The following LGSN variants were observed in gnomAD, a reference collection of about 807,000 sequenced individuals.
The protein encoded by LGSN is lengsin, lens protein with glutamine synthetase domain, also known as lengsin.
LGSN carries 21 observed loss-of-function variants against 19.5 expected under a neutral mutation model. The ratio of observed to expected loss-of-function variants is 1.07; its 90% CI spans 0.76 to 1.55. LGSN has a LOEUF of 1.55. Among genes scored for constraint, LGSN ranks in the 40% most tolerant of loss-of-function variants. The probability of loss-of-function intolerance (pLI) is 0.00; values close to 1 mark genes in which losing one functional copy is unlikely to be tolerated. For missense variants in LGSN, 673 were observed against 608.5 expected, an observed-to-expected ratio of 1.11 and a Z score of -1.12; for synonymous variants, 257 against 215.6, an observed-to-expected ratio of 1.19 and a Z score of -1.68.
chr6:63,449,177 A>T, the LGSN span, among the ~76,000 whole-genome samples: 6 of 152,202 alleles, frequency 3.9e-5, no homozygotes, highest in African/African-American at 1.4e-4. Flanking sequence ...ATAAAATGAC[A>T]GTTATGAAAT....
At chr6:63,299,207 T>C (rs1206668094) in intron 1 of LGSN, among the ~76,000 whole-genome samples, 3 of 152,196 alleles carry the variant, frequency 2.0e-5, no homozygotes, top group Non-Finnish European at 2.9e-5. Flanking sequence ...CTTTCTGGCA[T>C]TTAGCTGGCT....
the LGSN span, among the ~76,000 whole-genome samples, chr6:63,560,614 G>C: frequency 6.6e-6 from 1 of 151,952 alleles, no homozygotes; most frequent in Non-Finnish European, 1.5e-5. Flanking sequence ...ATGTTGGCCA[G>C]GCTGGTCTCG....
chr6:63,438,804 C>T, the LGSN span, among the ~76,000 whole-genome samples: 3 of 152,184 alleles, frequency 2.0e-5, no homozygotes, highest in Admixed American at 1.3e-4. Flanking sequence ...AGCAATTCCT[C>T]AGGGATCTAG....
the LGSN span, among the ~76,000 whole-genome samples, chr6:63,530,335 AG>A: frequency 2.0e-5 from 3 of 152,318 alleles, no homozygotes; most frequent in Non-Finnish European, 4.4e-5. Flanking sequence ...CCTGAGAAAA[AG>A]CACAAAGGCT....
At chr6:63,486,808 T>C in the LGSN span, among the ~76,000 whole-genome samples, 177 of 147,618 alleles carry the variant, frequency 1.2e-3, 3 homozygotes, top group African/African-American at 4.0e-3. Flanking sequence ...ACCTCAGTTT[T>C]TGTATGTTTA....
At chr6:63,532,881 T>A in the LGSN span, among the ~76,000 whole-genome samples, 2 of 152,232 alleles carry the variant, frequency 1.3e-5, no homozygotes, top group Non-Finnish European at 2.9e-5. Context: ...GATCAAATTA[T>A]ATCTGCTTTT....
the LGSN span, among the ~76,000 whole-genome samples, chr6:63,456,702 G>A: frequency 2.0e-5 from 3 of 152,230 alleles, no homozygotes; most frequent in African/African-American, 4.8e-5. Context: ...GTCACCAGAC[G>A]TAGCCTCTGT....
the LGSN span, among the ~76,000 whole-genome samples, chr6:63,535,795 A>C: frequency 6.6e-6 from 1 of 152,150 alleles, no homozygotes; most frequent in Non-Finnish European, 1.5e-5. Flanking sequence ...AGCTATATTT[A>C]GGCTGGCCAC....
At chr6:63,318,440 C>T (rs532025394) in intron 1 of LGSN, among the ~76,000 whole-genome samples, 1 of 152,266 alleles carries the variant, frequency 6.6e-6, no homozygotes, top group South Asian at 2.1e-4. Context: ...CATATTCTTT[C>T]ACTTCCTGAG....
the LGSN span, among the ~76,000 whole-genome samples, chr6:63,444,619 C>A: frequency 6.6e-6 from 1 of 152,174 alleles, no homozygotes; most frequent in Admixed American, 6.5e-5. Flanking sequence ...GAAGGCCATT[C>A]AGATTTTTAA....
At chr6:63,313,837 A>C (rs1582050304) in intron 1 of LGSN, among the ~76,000 whole-genome samples, 1 of 147,542 alleles carries the variant, frequency 6.8e-6, no homozygotes, top group Admixed American at 6.8e-5. Flanking sequence ...CCCTGTCTCA[A>C]AAATAAATAA....
At chr6:63,301,376 T>C (rs2127390986) in intron 1 of LGSN, among the ~76,000 whole-genome samples, 1 of 152,190 alleles carries the variant, frequency 6.6e-6, no homozygotes, top group East Asian at 1.9e-4. Flanking sequence ...AAAATTAAAA[T>C]GTGTATTTGT....
the LGSN span, among the ~76,000 whole-genome samples, chr6:63,533,388 GA>G: frequency 6.6e-6 from 1 of 151,848 alleles, no homozygotes; most frequent in Non-Finnish European, 1.5e-5. Context: ...TCTCAAAAAA[GA>G]AAACAATAAG....
chr6:63,304,708 C>T (rs1031923429), intron 1 of LGSN, among the ~76,000 whole-genome samples: 2 of 152,158 alleles, frequency 1.3e-5, no homozygotes, highest in Non-Finnish European at 2.9e-5. Context: ...CTATAGTAGT[C>T]ATTATCATTA....
At chr6:63,407,896 G>T in the LGSN span, among the ~76,000 whole-genome samples, 1 of 152,142 alleles carries the variant, frequency 6.6e-6, no homozygotes, top group Non-Finnish European at 1.5e-5. Context: ...CAGACTAACA[G>T]GGAGCCAAAT....
At chr6:63,394,832 G>A in the LGSN span, among the ~76,000 whole-genome samples, 54 of 152,290 alleles carry the variant, frequency 3.5e-4, no homozygotes, top group African/African-American at 1.2e-3. Context: ...CAGCTGCCAC[G>A]GCCTCTGACA....
chr6:63,510,874 A>T, the LGSN span, among the ~76,000 whole-genome samples: 6 of 151,918 alleles, frequency 3.9e-5, no homozygotes, highest in Non-Finnish European at 1.5e-5. Flanking sequence ...GGATTTCACT[A>T]TGTTGGCCAG....
the LGSN span, among the ~76,000 whole-genome samples, chr6:63,364,146 G>C: frequency 6.6e-6 from 1 of 152,062 alleles, no homozygotes; most frequent in Non-Finnish European, 1.5e-5. Flanking sequence ...ATTGGATAAA[G>C]AGTCAAGACC....
the LGSN span, among the ~76,000 whole-genome samples, chr6:63,411,753 T>C: frequency 1.3e-5 from 2 of 151,940 alleles, no homozygotes; most frequent in South Asian, 4.2e-4. Flanking sequence ...AGCACAAGAA[T>C]CCCTTGGGCC....
Sources: gnomAD v4.1 joint callset for allele counts (sites outside exome capture counted in the v4.1 genomes callset) on GRCh38, gnomAD v4.1.1 for gene constraint, MANE v1.5 for transcripts, NCBI Gene and HGNC (gene_info 2026-07-23, HGNC 2026-07-21) for gene names.